The following KARS1 variants were observed in gnomAD, a reference collection of about 807,000 sequenced individuals.
KARS1 encodes the protein lysine--tRNA ligase.
In KARS1, 50 loss-of-function variants were observed where a neutral mutation model predicts 63.9. The observed-to-expected ratio is 0.78, with a 90% CI of 0.62 to 0.99. The LOEUF is 0.99. KARS1 is among the 50% of genes least tolerant of loss of function. The pLI, the probability that KARS1 is intolerant of heterozygous loss-of-function variation, is 0.00. For missense variants in KARS1, 816 were observed against 754.5 expected, an observed-to-expected ratio of 1.08 and a Z score of -0.95; for synonymous variants, 320 against 264.6, an observed-to-expected ratio of 1.21 and a Z score of -2.03.
intron 1 of KARS1, among the ~76,000 whole-genome samples, chr16:75,644,652 T>C (rs778197848): frequency 7.9e-5 from 12 of 152,360 alleles, no homozygotes; most frequent in Non-Finnish European, 7.3e-5. Flanking sequence ...ACAATGTTCT[T>C]AGTCCTGACT....
chr16:75,638,618 A>C (rs1469515724), intron 3 of KARS1, among the ~76,000 whole-genome samples: 1 of 152,254 alleles, frequency 6.6e-6, no homozygotes, highest in East Asian at 1.9e-4. Flanking sequence ...AAAGAATTAG[A>C]AATAAAGTAA....
At chr16:75,633,390 T>A (rs1388158483) in intron 7 of KARS1, among the ~76,000 whole-genome samples, 1 of 152,220 alleles carries the variant, frequency 6.6e-6, no homozygotes, top group Non-Finnish European at 1.5e-5. Flanking sequence ...TAGAGCTGAA[T>A]AAATTTTTAT....
At chr16:75,640,017 G>A in intron 3 of KARS1, 167 bp downstream of exon 3, 2 of 654,630 alleles carry the variant, frequency 3.1e-6, no homozygotes, top group Non-Finnish European at 5.5e-6. Context: ...CATGTCTCAG[G>A]GCTGCTCTGC....
At chr16:75,636,248 T>C in intron 4 of KARS1, 150 bp from the exon 5 acceptor site, 1 of 706,016 alleles carries the variant, frequency 1.4e-6, no homozygotes, top group South Asian at 1.6e-5. Flanking sequence ...AAAAAAGGAC[T>C]ATCCTTTACT....
In KARS1 at chr16:75,641,671, T is replaced by C. The variant is rs1372321661; in HGVS notation, c.115A>G (p.Lys39Glu). 3.7e-6 allele frequency: 6 copies of C among 1,614,052 alleles called. No individual in the cohort carries two copies. Among genetic ancestry groups the C allele is most frequent in the Non-Finnish European group, 4.2e-6 (5 of 1,180,030 alleles). ...TGTTTCTCACTGAGCTCTTTCTGTT[T>C]GGCCTCCTTCTCTGCTACTTTCTTC... Reference protein sequence around the residue: ...AEKKVAEKEAKQKELSEKQLS... With the variant: ...AEKKVAEKEAEQKELSEKQLS... Residue 39 changes from lysine (K) to glutamate (E), a missense_variant, in exon 2 of 14, where the codon AAA becomes GAA. By Grantham distance (56) the Lys-to-Glu change is moderately conservative. Coordinates refer to ENST00000302445, the MANE Select transcript of KARS1 (RefSeq NM_005548.3).
intron 1 of KARS1, among the ~76,000 whole-genome samples, chr16:75,643,322 T>TTC (rs1427516685): frequency 7.2e-5 from 11 of 152,138 alleles, no homozygotes; most frequent in Non-Finnish European, 1.3e-4. Context: ...CATCCTTCAT[T>TTC]TTCGATATGA....
At chr16:75,642,549 A>G (rs969906178) in intron 1 of KARS1, among the ~76,000 whole-genome samples, 3 of 151,738 alleles carry the variant, frequency 2.0e-5, no homozygotes, top group African/African-American at 7.3e-5. Context: ...GCCCTCTGCT[A>G]CCCCCTCTCT....
Position 75,631,149 on chromosome 16 carries a change from G to C in KARS1, c.1338+19C>G, listed in dbSNP as rs1485903649. On this transcript the variant is annotated intron_variant, in intron 10 of 13. Transcript: ENST00000302445. ...CAGCACCAGATGAGGACATGTACAA[G>C]AAGGCAGGGCCTTCTCACCTTGTCA... 2 of 1,602,488 alleles carry C rather than the reference G, an allele frequency of 1.2e-6. No homozygotes were observed. Among genetic ancestry groups the C allele is most frequent in the South Asian group, 1.1e-5 (1 of 90,526 alleles).
chr16:75,646,693 C>A (rs2082288258), intron 1 of KARS1, among the ~76,000 whole-genome samples: 1 of 149,984 alleles, frequency 6.7e-6, no homozygotes, highest in African/African-American at 2.4e-5. Context: ...GTCTCCCAGG[C>A]TGGAGTGCAG....
intron 11 of KARS1, among the ~76,000 whole-genome samples, chr16:75,629,786 C>A (rs779997900): frequency 1.1e-4 from 17 of 152,268 alleles, no homozygotes; most frequent in Non-Finnish European, 1.5e-4. Flanking sequence ...TTAGTAGAGA[C>A]AGGGTTTCGC....
At chr16:75,632,245 G>A (rs1427789105) in intron 7 of KARS1, among the ~76,000 whole-genome samples, 2 of 152,196 alleles carry the variant, frequency 1.3e-5, no homozygotes, top group African/African-American at 4.8e-5. Context: ...TCCAAAAGCC[G>A]TAACTTGGTT....
chr16:75,633,515 CTTTT>C (rs770761249), intron 7 of KARS1, among the ~76,000 whole-genome samples: 1 of 127,500 alleles, frequency 7.8e-6, no homozygotes. Flanking sequence ...TTTGAAGATA[CTTTT>C]TTTTTTTTTT....
chr16:75,638,545 C>T (rs568150445), intron 3 of KARS1, among the ~76,000 whole-genome samples: 24 of 151,778 alleles, frequency 1.6e-4, no homozygotes, highest in African/African-American at 4.6e-4. Flanking sequence ...AAGAAAAAGA[C>T]GCAAAACATG....
Position 75,635,667 on chromosome 16 carries a change from G to C in KARS1, c.795+13C>G. On this transcript the variant is annotated intron_variant, in intron 6 of 13. Coordinates refer to ENST00000302445, the MANE Select transcript of KARS1 (RefSeq NM_005548.3). ...AAGGCAGCTCATCACGTCAGGCAAG[G>C]AACTCTCCTTACCTCTAGGAATCCC... is the stretch of plus-strand genomic sequence containing the variant. 6.2e-7 allele frequency: 1 copy of C among 1,613,428 alleles called. No homozygotes were observed. Among genetic ancestry groups the C allele is most frequent in the Non-Finnish European group, 8.5e-7 (1 of 1,179,866 alleles).
At chr16:75,633,515 CTTTTTTTTTTTT>C (rs770761249) in intron 7 of KARS1, among the ~76,000 whole-genome samples, 9 of 127,516 alleles carry the variant, frequency 7.1e-5, no homozygotes, top group Non-Finnish European at 1.5e-4. Context: ...TTTGAAGATA[CTTTTTTTTTTTT>C]TTTTTTTTGA....
chr16:75,631,908 A>G, intron 7 of KARS1, 53 bp from the exon 8 acceptor site: 1 of 1,603,420 alleles, frequency 6.2e-7, no homozygotes, highest in Non-Finnish European at 8.5e-7. Flanking sequence ...TTTTTTTGAG[A>G]TGGAGTTTTG....
At chr16:75,632,369 A>G (rs1233533479) in intron 7 of KARS1, among the ~76,000 whole-genome samples, 1 of 152,112 alleles carries the variant, frequency 6.6e-6, no homozygotes, top group Non-Finnish European at 1.5e-5. Flanking sequence ...GGACTTCTCG[A>G]TACTCTTCCT....
intron 8 of KARS1, 37 bp downstream of exon 8, chr16:75,631,656 C>T (rs1437255288): frequency 6.2e-7 from 1 of 1,613,754 alleles, no homozygotes; most frequent in Non-Finnish European, 8.5e-7. Context: ...AGCAGCATAC[C>T]AACCACCCGA....
At chr16:75,643,151 C>T (rs1351047479) in intron 1 of KARS1, among the ~76,000 whole-genome samples, 1 of 152,106 alleles carries the variant, frequency 6.6e-6, no homozygotes, top group African/African-American at 2.4e-5. Flanking sequence ...CTATCTGAAA[C>T]CAGAAACTAA....
Sources: gnomAD v4.1 joint callset for allele counts (sites outside exome capture counted in the v4.1 genomes callset) on GRCh38, gnomAD v4.1.1 for gene constraint, MANE v1.5 for transcripts, NCBI Gene and HGNC (gene_info 2026-07-23, HGNC 2026-07-21) for gene names.